The following MYZAP variants were observed in gnomAD, a reference collection of about 807,000 sequenced individuals.
The protein encoded by MYZAP is GRINL1A complex locus upstream.
MYZAP carries 66 observed loss-of-function variants against 69.4 expected under a neutral mutation model. The observed-to-expected ratio is 0.95, with a 90% CI of 0.78 to 1.17. The LOEUF (loss-of-function observed/expected upper bound fraction) is 1.17, where lower values mean the gene tolerates loss of function less well. MYZAP is among the 50% of genes most tolerant of loss of function. The pLI is 0.00. For synonymous variants in MYZAP, 256 were observed against 205.9 expected, an observed-to-expected ratio of 1.24 and a Z score of -2.09; for missense variants, 611 against 556.2, an observed-to-expected ratio of 1.10 and a Z score of -0.99.
intron 12 of MYZAP, among the ~76,000 whole-genome samples, chr15:57,676,059 G>C (rs1419593497): frequency 6.6e-6 from 1 of 152,062 alleles, no homozygotes; most frequent in Non-Finnish European, 1.5e-5. Flanking sequence ...GGAATACCTG[G>C]TTCTTGTCCT....
At chr15:57,614,971 T>C (rs766485378) in intron 2 of MYZAP, among the ~76,000 whole-genome samples, 25 of 152,176 alleles carry the variant, frequency 1.6e-4, no homozygotes, top group Non-Finnish European at 3.5e-4. Context: ...AGTAACTTTC[T>C]TCTTCACTTT....
intron 12 of MYZAP, among the ~76,000 whole-genome samples, chr15:57,682,441 T>A (rs1222559636): frequency 6.6e-6 from 1 of 152,046 alleles, no homozygotes; most frequent in Non-Finnish European, 1.5e-5. Context: ...AATGTCTCCC[T>A]AAAATCTCCC....
intron 8 of MYZAP, among the ~76,000 whole-genome samples, chr15:57,635,585 G>A (rs768075972): frequency 3.9e-5 from 6 of 152,198 alleles, no homozygotes; most frequent in Non-Finnish European, 7.3e-5. Flanking sequence ...TTTAGTGATT[G>A]GAAATGTATT....
In MYZAP at chr15:57,685,027, C is replaced by T. The variant is rs1386428586; in HGVS notation, c.*529C>T. On this transcript the variant is annotated 3_prime_UTR_variant, in exon 13 of 13. Coordinates refer to ENST00000267853, the MANE Select transcript of MYZAP (RefSeq NM_001018100.5). Reference sequence around the variant, plus strand: ...CCTGCAGGTGCTCTTTCCTCTTGGTCCCAAGCATCTGTGCAGGGTCGTGGG... The same window carrying T: ...CCTGCAGGTGCTCTTTCCTCTTGGTTCCAAGCATCTGTGCAGGGTCGTGGG... The T allele has an allele frequency of 2.6e-5, 4 of 153,566 alleles. No individual in the cohort carries two copies. The highest frequency in any genetic ancestry group is 9.6e-5 in the African/African-American group (4 of 41,456). The allele number at this position is 153,566 out of a possible 1,614,324, so 9.5% of individuals were successfully genotyped here.
At chr15:57,648,042 G>C (rs1332669352) in intron 10 of MYZAP, 2 of 985,080 alleles carry the variant, frequency 2.0e-6, no homozygotes, top group Non-Finnish European at 2.4e-6. Flanking sequence ...CTACTCAAAA[G>C]TTTGAGGCAG....
At chr15:57,613,598 T>C (rs2035249065) in intron 2 of MYZAP, among the ~76,000 whole-genome samples, 1 of 151,720 alleles carries the variant, frequency 6.6e-6, no homozygotes, top group African/African-American at 2.4e-5. Context: ...CTCAAATGCT[T>C]GGACTCAAGC....
In MYZAP at chr15:57,624,114, A is replaced by G. The variant is rs1194125962; in HGVS notation, c.412-1665A>G. On this transcript the variant is annotated intron_variant, in intron 4 of 12. Coordinates refer to ENST00000267853, the MANE Select transcript of MYZAP (RefSeq NM_001018100.5). ...TGAAATGTTTGCACCATGTGAGTGTATTACCTACTGAAAAATTTAAGAAAA... is the reference window on the plus strand; with the variant it reads ...TGAAATGTTTGCACCATGTGAGTGTGTTACCTACTGAAAAATTTAAGAAAA... 2.6e-5 allele frequency among the ~76,000 whole-genome samples: 4 copies of G among 152,218 alleles called. 1 individual carries two copies. In the East Asian group the frequency reaches 7.7e-4, roughly 29 times the overall value.
At chr15:57,594,940 G>A (rs1026299324) in intron 1 of MYZAP, among the ~76,000 whole-genome samples, 4 of 152,198 alleles carry the variant, frequency 2.6e-5, no homozygotes, top group Admixed American at 2.0e-4. Flanking sequence ...TCTTGAACAT[G>A]TTATCCATTA....
chr15:57,614,236 G>A (rs1666578), intron 2 of MYZAP, among the ~76,000 whole-genome samples: 120,252 of 152,180 alleles, frequency 0.79, 47,943 homozygotes, highest in East Asian at 0.93. Context: ...CATTCAGCAA[G>A]TATTTATTGA....
intron 5 of MYZAP, 137 bp downstream of exon 5, chr15:57,626,029 T>C: frequency 6.5e-6 from 5 of 767,066 alleles, no homozygotes; most frequent in Non-Finnish European, 1.1e-5. Flanking sequence ...CTGTGAAGAC[T>C]GTGCCCAGAA....
At chr15:57,607,938 G>A (rs1107114) in intron 2 of MYZAP, among the ~76,000 whole-genome samples, 47,899 of 152,034 alleles carry the variant, frequency 0.32, 7,836 homozygotes, top group East Asian at 0.55. Flanking sequence ...CTTGGATGTG[G>A]TTTCAACATG....
rs1255666213 is a variant in MYZAP, at chr15:57,679,987, C to T, written c.1305-4415C>T. ...ACCTGGGTTTGGGTCCTGAGTCCGC[C>T]TCCTGCTTTATCTGCAGCTTTGGCA... On this transcript the variant is annotated intron_variant, in intron 12 of 12. Coordinates refer to ENST00000267853, the MANE Select transcript of MYZAP (RefSeq NM_001018100.5). 2.6e-5 allele frequency among the ~76,000 whole-genome samples: 4 copies of T among 152,292 alleles called. No homozygotes were observed. The East Asian group carries it at 7.7e-4, about 29-fold the overall frequency.
intron 9 of MYZAP, among the ~76,000 whole-genome samples, chr15:57,639,216 T>TTA (rs1288254017): frequency 7.8e-5 from 11 of 140,774 alleles, no homozygotes; most frequent in African/African-American, 2.6e-4. Context: ...ATTTATTTAT[T>TTA]TTTTTTTTTT....
At chr15:57,617,341 T>A (rs2453099) in intron 2 of MYZAP, among the ~76,000 whole-genome samples, 3,045 of 152,308 alleles carry the variant, frequency 0.02, 116 homozygotes, top group African/African-American at 0.07. Flanking sequence ...TGTTAAGCCT[T>A]CATTCTATAA....
At chr15:57,667,812 C>T (rs4564513) in intron 11 of MYZAP, among the ~76,000 whole-genome samples, 131,612 of 152,138 alleles carry the variant, frequency 0.87, 58,901 homozygotes, top group Non-Finnish European at 0.97. Flanking sequence ...ATATAATCCA[C>T]TGAGTTTTGA....
rs1172761785 is a variant in MYZAP, at chr15:57,593,214, A to ACACACACACACACACACACCCC, written c.75+1106_75+1107insACACACACACACACACACCCCC. 5.3e-4 allele frequency among the ~76,000 whole-genome samples: 75 copies of ACACACACACACACACACACCCC among 141,342 alleles called. 2 individuals carry two copies. The highest frequency in any genetic ancestry group is 1.5e-3 in the African/African-American group (55 of 35,768). 92.7% of individuals were successfully genotyped at this position (141,342 alleles called of 152,430 possible). On this transcript the variant is annotated intron_variant, in intron 1 of 12. Coordinates refer to ENST00000267853, the MANE Select transcript of MYZAP (RefSeq NM_001018100.5). ...CACACACACACACACACACACACACACCCCAGAATCCATCAGTTGGCTCAT... is the reference window on the plus strand; with the variant it reads ...CACACACACACACACACACACACACACACACACACACACACACACCCCCCCCAGAATCCATCAGTTGGCTCAT...
chr15:57,603,014 C>CAA (rs2034515209), intron 1 of MYZAP, among the ~76,000 whole-genome samples: 1 of 152,250 alleles, frequency 6.6e-6, no homozygotes, highest in African/African-American at 2.4e-5. Flanking sequence ...ATAAATCACA[C>CAA]AAATTGTAGC....
At chr15:57,671,326 C>A (rs1379569579) in intron 11 of MYZAP, among the ~76,000 whole-genome samples, 1 of 151,898 alleles carries the variant, frequency 6.6e-6, no homozygotes, top group Admixed American at 6.6e-5. Context: ...CAAGATTTTT[C>A]TTCATTTGTG....
intron 5 of MYZAP, among the ~76,000 whole-genome samples, chr15:57,627,161 AT>A (rs200515906): frequency 0.014 from 2,189 of 152,004 alleles, 56 homozygotes; most frequent in African/African-American, 0.05. Flanking sequence ...AGAAAAATAT[AT>A]TTGCCAGTAT....
Sources: gnomAD v4.1 joint callset for allele counts (sites outside exome capture counted in the v4.1 genomes callset) on GRCh38, gnomAD v4.1.1 for gene constraint, MANE v1.5 for transcripts, NCBI Gene and HGNC (gene_info 2026-07-23, HGNC 2026-07-21) for gene names.